The following ASAP1 variants were observed in gnomAD, a reference collection of about 807,000 sequenced individuals.
The protein encoded by ASAP1 is arf-GAP with SH3 domain, ANK repeat and PH domain-containing protein 1.
A neutral mutation model predicts 145.2 loss-of-function variants in ASAP1; 43 were observed. The observed-to-expected ratio is 0.30, with a 90% CI of 0.23 to 0.38. ASAP1 has a LOEUF of 0.38. ASAP1 is among the 10% of genes least tolerant of loss of function. ASAP1 has a pLI of 1.00. For synonymous variants in ASAP1, 546 were observed against 515.5 expected (o/e 1.06, Z -0.80); for missense variants, 1,018 against 1,355.3 (o/e 0.75, Z 3.91).
intron 13 of ASAP1, among the ~76,000 whole-genome samples, chr8:130,151,300 G>T (rs1478035146): frequency 7.0e-6 from 1 of 142,656 alleles, no homozygotes; most frequent in Non-Finnish European, 1.5e-5. Flanking sequence ...GAACCTGGGA[G>T]ATGGAGGTTA....
intron 3 of ASAP1, among the ~76,000 whole-genome samples, chr8:130,265,352 C>T (rs1820176312): frequency 6.6e-6 from 1 of 152,064 alleles, no homozygotes; most frequent in Non-Finnish European, 1.5e-5. Context: ...GGGAGGACTG[C>T]TTGAGCCCAG....
At chr8:130,218,028 C>G (rs1019416935) in intron 4 of ASAP1, among the ~76,000 whole-genome samples, 2 of 152,120 alleles carry the variant, frequency 1.3e-5, no homozygotes, top group African/African-American at 4.8e-5. Flanking sequence ...AAAAATGCAG[C>G]TCTGGTTACT....
chr8:130,435,754 C>T (rs1830290458), intron 1 of ASAP1, among the ~76,000 whole-genome samples: 1 of 152,140 alleles, frequency 6.6e-6, no homozygotes, highest in African/African-American at 2.4e-5. Context: ...TGAATTATTC[C>T]TCCCATCAGC....
At chr8:130,099,355 T>G (rs909767298) in intron 24 of ASAP1, among the ~76,000 whole-genome samples, 11 of 152,046 alleles carry the variant, frequency 7.2e-5, no homozygotes, top group African/African-American at 2.7e-4. Flanking sequence ...ATTTTTTTTG[T>G]ATTTTTAGTA....
chr8:130,394,343 G>A (rs760105031), intron 2 of ASAP1, among the ~76,000 whole-genome samples: 23 of 152,132 alleles, frequency 1.5e-4, no homozygotes, highest in African/African-American at 5.1e-4. Context: ...TTCTATGGTC[G>A]AGACTGTAGG....
intron 12 of ASAP1, among the ~76,000 whole-genome samples, chr8:130,153,295 G>C (rs1476714283): frequency 1.4e-5 from 2 of 144,050 alleles, no homozygotes; most frequent in African/African-American, 5.3e-5. Flanking sequence ...TGAGATTACA[G>C]GTGTGAGCCA....
chr8:130,185,616 T>C (rs921415826), intron 7 of ASAP1, among the ~76,000 whole-genome samples: 2 of 150,464 alleles, frequency 1.3e-5, no homozygotes, highest in Non-Finnish European at 3.0e-5. Flanking sequence ...GTAATCCCAA[T>C]TACTCGGGAG....
At chr8:130,132,429 A>T (rs1586396878) in intron 15 of ASAP1, among the ~76,000 whole-genome samples, 1 of 152,086 alleles carries the variant, frequency 6.6e-6, no homozygotes, top group East Asian at 1.9e-4. Flanking sequence ...TTCCTATTCC[A>T]TCCTCCTGTT....
At chr8:130,323,774 C>A (rs7006481) in intron 3 of ASAP1, among the ~76,000 whole-genome samples, 1 of 152,126 alleles carries the variant, frequency 6.6e-6, no homozygotes, top group Non-Finnish European at 1.5e-5. Context: ...AGGCACTCAG[C>A]AGATCTTTGA....
Position 130,060,615 on chromosome 8 carries a change from T to C in ASAP1, c.3156A>G (p.Pro1052=), listed in dbSNP as rs749074766. ...TTCTGGGCAGTGGTACGGGCGTCTC[T>C]GGCAGAGTAGGCGTGAGGTCGTTGG... The part of the protein sequence containing the change: ...EDSNDLTPTL[P]ETPVPLPRKI... The change falls in exon 28 of 30, where the codon CCA becomes CCG. Residue 1052 remains proline (P), a synonymous_variant. Transcript: ENST00000518721. 35 of 1,613,892 alleles carry C rather than the reference T, an allele frequency of 2.2e-5. No individual in the cohort carries two copies. The highest frequency in any genetic ancestry group is 4.5e-5 in the East Asian group (2 of 44,890).
In ASAP1 at chr8:130,054,712, C is replaced by G. The variant is rs3758027; in HGVS notation, c.*19G>C. The G allele has an allele frequency of 1.9e-6, 3 of 1,608,052 alleles. No individual in the cohort carries two copies. The highest frequency in any genetic ancestry group is 2.6e-6 in the Non-Finnish European group (3 of 1,174,696). The stretch of plus-strand genomic sequence containing the variant: ...GTCTTGCATGAAGGATGTGGACAAT[C>G]TTAAGGTTCTGCGTTTTGCTAGTCA... On this transcript the variant is annotated 3_prime_UTR_variant, in exon 30 of 30. Transcript: ENST00000518721.
At chr8:130,424,151 A>C (rs1001581912) in intron 1 of ASAP1, among the ~76,000 whole-genome samples, 2 of 152,276 alleles carry the variant, frequency 1.3e-5, no homozygotes, top group Admixed American at 6.5e-5. Flanking sequence ...TGAGGTTAAA[A>C]AAAAATCAAT....
chr8:130,417,949 G>C (rs1360810612), intron 1 of ASAP1, among the ~76,000 whole-genome samples: 1 of 152,238 alleles, frequency 6.6e-6, no homozygotes, highest in Non-Finnish European at 1.5e-5. Flanking sequence ...TCTGTGGCCA[G>C]GGGCTGGAAC....
At chr8:130,087,050 T>C (rs374501815) in intron 25 of ASAP1, among the ~76,000 whole-genome samples, 5 of 152,196 alleles carry the variant, frequency 3.3e-5, no homozygotes, top group African/African-American at 4.8e-5. Flanking sequence ...TCTACCTCCT[T>C]CTTAAAGGTC....
At chr8:130,254,910 A>C (rs1481065661) in intron 3 of ASAP1, among the ~76,000 whole-genome samples, 2 of 152,174 alleles carry the variant, frequency 1.3e-5, no homozygotes, top group African/African-American at 4.8e-5. Context: ...ATTCAAAAAC[A>C]AAATAATACC....
intron 1 of ASAP1, among the ~76,000 whole-genome samples, chr8:130,418,253 A>G (rs1182010476): frequency 6.6e-6 from 1 of 152,252 alleles, no homozygotes; most frequent in East Asian, 1.9e-4. Context: ...ATCACAATTT[A>G]AAGTATACAA....
At chr8:130,207,785 T>G (rs752289811) in intron 5 of ASAP1, among the ~76,000 whole-genome samples, 9 of 152,212 alleles carry the variant, frequency 5.9e-5, no homozygotes, top group Non-Finnish European at 8.8e-5. Flanking sequence ...CCTAGATATA[T>G]TCAATCATGA....
At chr8:130,215,698 C>G (rs879361364) in intron 4 of ASAP1, among the ~76,000 whole-genome samples, 7 of 151,912 alleles carry the variant, frequency 4.6e-5, no homozygotes, top group Non-Finnish European at 8.8e-5. Context: ...GAGCCGAGAC[C>G]GCGTCACTGC....
chr8:130,443,243 G>A (rs1378976526), intron 1 of ASAP1, among the ~76,000 whole-genome samples: 7 of 151,726 alleles, frequency 4.6e-5, no homozygotes, highest in Non-Finnish European at 7.4e-5. Context: ...GCCTCGCCCG[G>A]CCCCGCAGAG....
Sources: gnomAD v4.1 joint callset for allele counts (sites outside exome capture counted in the v4.1 genomes callset) on GRCh38, gnomAD v4.1.1 for gene constraint, MANE v1.5 for transcripts, NCBI Gene and HGNC (gene_info 2026-07-23, HGNC 2026-07-21) for gene names.